The following GRM7 variants were observed in gnomAD, a reference collection of about 807,000 sequenced individuals.
GRM7 encodes the protein glutamate metabotropic receptor 7.
A neutral mutation model predicts 84.5 loss-of-function variants in GRM7; 35 were observed. The ratio of observed to expected loss-of-function variants is 0.41; its 90% CI spans 0.32 to 0.55. The LOEUF (loss-of-function observed/expected upper bound fraction) is 0.55, where lower values mean the gene tolerates loss of function less well. GRM7 is among the 20% of genes least tolerant of loss of function. GRM7 has a pLI of 0.19. For missense variants in GRM7, 1,003 were observed against 1,194.6 expected (o/e 0.84, Z 2.36); for synonymous variants, 487 against 455.1 (o/e 1.07, Z -0.89).
intron 2 of GRM7, among the ~76,000 whole-genome samples, chr3:7,204,638 A>G (rs1479722760): frequency 1.3e-5 from 2 of 152,222 alleles, no homozygotes; most frequent in Non-Finnish European, 2.9e-5. Context: ...GCAAATAACC[A>G]CTGCAGAAAT....
chr3:7,179,927 C>G (rs1295338036), intron 2 of GRM7, among the ~76,000 whole-genome samples: 1 of 152,096 alleles, frequency 6.6e-6, no homozygotes, highest in Non-Finnish European at 1.5e-5. Context: ...TTTCCCTTCC[C>G]AGAGATTTAC....
At chr3:7,720,860 T>C (rs1230558935) in intron 9 of GRM7, among the ~76,000 whole-genome samples, 2 of 152,200 alleles carry the variant, frequency 1.3e-5, no homozygotes, top group Non-Finnish European at 1.5e-5. Context: ...TAGCCCTCTC[T>C]TGTCTTACCA....
intron 1 of GRM7, among the ~76,000 whole-genome samples, chr3:7,014,347 T>C (rs1240616588): frequency 1.3e-5 from 2 of 152,118 alleles, no homozygotes; most frequent in Non-Finnish European, 2.9e-5. Context: ...ATTTATTTTT[T>C]AATAATTTTT....
intron 9 of GRM7, among the ~76,000 whole-genome samples, chr3:7,692,721 A>G (rs1228225744): frequency 6.6e-6 from 1 of 152,188 alleles, no homozygotes; most frequent in Non-Finnish European, 1.5e-5. Flanking sequence ...AACACACACC[A>G]ATGAGTGGCA....
chr3:7,415,955 C>CT (rs1696142075), intron 5 of GRM7, among the ~76,000 whole-genome samples: 1 of 152,104 alleles, frequency 6.6e-6, no homozygotes, highest in South Asian at 2.1e-4. Flanking sequence ...AAGGTAGAAG[C>CT]TGTCTCAAAA....
intron 7 of GRM7, chr3:7,520,154 T>C (rs1335565844): frequency 6.6e-6 from 1 of 152,150 alleles, no homozygotes; most frequent in African/African-American, 2.4e-5. Context: ...GAGAGGTACA[T>C]AGATCTCACT....
rs974401982 is a variant in GRM7 at position 7,141,003 on chromosome 3, T to C, written c.520-5449T>C. On this transcript the variant is annotated intron_variant, in intron 1 of 9. Transcript: ENST00000357716. ...TATTGACAAAATAAAAATTTAAAGA[T>C]AAGCTTCTTAATTTAACTATATATT... Among the ~76,000 whole-genome samples, 5 of 152,046 alleles carry C rather than the reference T, an allele frequency of 3.3e-5. No individual in the cohort carries two copies. The South Asian group carries it at 1.0e-3, about 31-fold the overall frequency.
chr3:7,468,775 G>GT (rs1369613531), intron 7 of GRM7, among the ~76,000 whole-genome samples: 1 of 147,214 alleles, frequency 6.8e-6, no homozygotes, highest in Non-Finnish European at 1.5e-5. Flanking sequence ...TGATGCTTTT[G>GT]TAAGTGTCTG....
Position 6,861,782 on chromosome 3 carries a change from T to G in GRM7, c.394T>G (p.Ser132Ala), listed in dbSNP as rs1327938147. 6.2e-7 allele frequency: 1 copy of G among 1,613,964 alleles called. No individual in the cohort carries two copies. The highest frequency in any genetic ancestry group is 8.5e-7 in the Non-Finnish European group (1 of 1,179,996). ...CCAGGCGCTCATCCAGAAGGACACC[T>G]CCGACGTGCGCTGCACCAACGGCGA... Reference protein sequence around the residue: ...FVQALIQKDTSDVRCTNGEPP... With the variant: ...FVQALIQKDTADVRCTNGEPP... The change falls in exon 1 of 10, where the codon TCC becomes GCC. Residue 132 changes from serine to alanine, a missense_variant. Coordinates refer to ENST00000357716, the MANE Select transcript of GRM7 (RefSeq NM_000844.4). The surrounding 1 kb of genome is among the most constrained non-coding windows in gnomAD (Gnocchi z 6.4).
intron 8 of GRM7, among the ~76,000 whole-genome samples, chr3:7,633,509 A>C (rs1294370058): frequency 2.0e-5 from 3 of 152,034 alleles, no homozygotes; most frequent in Non-Finnish European, 4.4e-5. Context: ...TAAGAAGCCG[A>C]GTGGGGCTGG....
intron 1 of GRM7, among the ~76,000 whole-genome samples, chr3:6,947,011 G>C (rs552790279): frequency 6.6e-6 from 1 of 152,286 alleles, no homozygotes; most frequent in East Asian, 1.9e-4. Flanking sequence ...GGGAGAATTT[G>C]ACTTCTTCTT....
At chr3:6,885,623 C>T (rs776972234) in intron 1 of GRM7, among the ~76,000 whole-genome samples, 2 of 152,138 alleles carry the variant, frequency 1.3e-5, no homozygotes, top group African/African-American at 2.4e-5. Context: ...TTCCCATGTC[C>T]GGTGCAAATG....
intron 1 of GRM7, among the ~76,000 whole-genome samples, chr3:6,896,040 A>G (rs1696170770): frequency 6.6e-6 from 1 of 152,174 alleles, no homozygotes. Context: ...AATCAATGCA[A>G]ATATTTTCCT....
intron 7 of GRM7, among the ~76,000 whole-genome samples, chr3:7,541,202 T>C (rs552442524): frequency 6.6e-6 from 1 of 152,262 alleles, no homozygotes; most frequent in Admixed American, 6.5e-5. Flanking sequence ...AGATGTAATA[T>C]GGCATTAGGT....
intron 2 of GRM7, among the ~76,000 whole-genome samples, chr3:7,198,455 C>G (rs1193621855): frequency 2.0e-5 from 3 of 152,144 alleles, no homozygotes; most frequent in South Asian, 2.1e-4. Flanking sequence ...TCATCTAGCT[C>G]TACAATTGAG....
intron 2 of GRM7, among the ~76,000 whole-genome samples, chr3:7,203,005 C>G (rs934713700): frequency 6.6e-6 from 1 of 152,176 alleles, no homozygotes; most frequent in Non-Finnish European, 1.5e-5. Context: ...TGTGTTCCAA[C>G]CAAGTCAGGG....
intron 8 of GRM7, among the ~76,000 whole-genome samples, chr3:7,588,857 G>T (rs3804888): frequency 3.9e-5 from 6 of 152,114 alleles, no homozygotes; most frequent in Non-Finnish European, 7.4e-5. Context: ...GTGATCTCAC[G>T]TTAGTGATTT....
intron 7 of GRM7, among the ~76,000 whole-genome samples, chr3:7,503,991 C>T (rs1225759569): frequency 6.6e-6 from 1 of 152,040 alleles, no homozygotes; most frequent in Non-Finnish European, 1.5e-5. Context: ...TATAGAATAC[C>T]TACCCATGTA....
chr3:7,290,406 T>A (rs779569842), intron 2 of GRM7, among the ~76,000 whole-genome samples: 54 of 152,302 alleles, frequency 3.5e-4, no homozygotes, highest in South Asian at 6.2e-4. Flanking sequence ...AACCTCAACA[T>A]GTCCCAAAGT....
Sources: allele counts gnomAD v4.1 joint callset (sites outside exome capture counted in the v4.1 genomes callset), GRCh38; gene constraint gnomAD v4.1.1; non-coding constraint Gnocchi (gnomAD v3.1); transcripts MANE v1.5; gene names NCBI Gene and HGNC (gene_info 2026-07-23, HGNC 2026-07-21).